MINDY4B: variants seen among roughly 807,000 people sequenced by gnomAD.
MINDY4B encodes inactive ubiquitin carboxyl-terminal hydrolase MINDY-4B.
In MINDY4B, 25 loss-of-function variants were observed where a neutral mutation model predicts 16.7. The ratio of observed to expected loss-of-function variants is 1.49; its 90% CI spans 1.09 to 2.09. MINDY4B has a LOEUF of 2.09. MINDY4B is among the 30% of genes most tolerant of loss of function. The pLI, the probability that MINDY4B is intolerant of heterozygous loss-of-function variation, is 0.00. For missense variants in MINDY4B, 327 were observed against 168.4 expected, an observed-to-expected ratio of 1.94 and a Z score of -5.21; for synonymous variants, 132 against 61.9, an observed-to-expected ratio of 2.13 and a Z score of -5.32.
rs979136756 is a variant in MINDY4B, at chr3:150,883,763, C to T, written c.834G>A (p.Met278Ile). The T allele has an allele frequency of 1.3e-5, 9 of 702,574 alleles. No individual in the cohort carries two copies. The highest frequency in any genetic ancestry group is 2.1e-5 in the Non-Finnish European group (8 of 384,818). The allele number at this position is 702,574 out of a possible 1,614,324, so 43.5% of individuals were successfully genotyped here. Residue 278 changes from methionine to isoleucine, a missense_variant, in exon 9 of 12, where the codon ATG becomes ATA. Physicochemically the swap from Met to Ile is conservative, Grantham distance 10. Transcript: ENST00000465419. ...IFSRTFERLQ[M>I]DLDVTTTQLL... is the part of the protein sequence containing the mutation. ...GCTGAGTGGTGGTGACATCTAGGTCCATTTGAAGCCTGCAGAGTGGGAGAA... is the reference window on the plus strand; with the variant it reads ...GCTGAGTGGTGGTGACATCTAGGTCTATTTGAAGCCTGCAGAGTGGGAGAA...
At chr3:150,884,526 C>A (rs115267013) in intron 8 of MINDY4B, among the ~76,000 whole-genome samples, 3,315 of 152,170 alleles carry the variant, frequency 0.022, 131 homozygotes, top group African/African-American at 0.077. Context: ...TATTTTAATA[C>A]GTTTATCTTT....
At chr3:150,871,334 G>A in intron 11 of MINDY4B, 147 bp from the exon 12 acceptor site, 1 of 610,686 alleles carries the variant, frequency 1.6e-6, no homozygotes, top group South Asian at 2.0e-5. Context: ...GGGGATTCAA[G>A]CAGGTAGTGT....
chr3:150,898,112 G>T (rs1712024217), intron 3 of MINDY4B, among the ~76,000 whole-genome samples: 2 of 152,212 alleles, frequency 1.3e-5, no homozygotes, highest in African/African-American at 4.8e-5. Context: ...TGAAAGAGAA[G>T]CATGGCAAAG....
intron 10 of MINDY4B, among the ~76,000 whole-genome samples, chr3:150,880,615 G>C (rs1013613838): frequency 6.6e-6 from 1 of 152,206 alleles, no homozygotes; most frequent in Non-Finnish European, 1.5e-5. Flanking sequence ...AAAAGCTTCT[G>C]AATTACCTAC....
At chr3:150,889,519 G>T (rs1392833609) in intron 7 of MINDY4B, among the ~76,000 whole-genome samples, 1 of 152,144 alleles carries the variant, frequency 6.6e-6, no homozygotes, top group African/African-American at 2.4e-5. Context: ...ATATCCCTTT[G>T]CCATATAGTG....
At chr3:150,899,461 G>A (rs1352650789) in intron 3 of MINDY4B, among the ~76,000 whole-genome samples, 1 of 152,188 alleles carries the variant, frequency 6.6e-6, no homozygotes, top group African/African-American at 2.4e-5. Flanking sequence ...TAGACCTGAA[G>A]GAGCACACAA....
chr3:150,877,421 A>G (rs1010273535), intron 10 of MINDY4B, among the ~76,000 whole-genome samples: 2 of 152,140 alleles, frequency 1.3e-5, no homozygotes, highest in African/African-American at 4.8e-5. Flanking sequence ...GGGGTCTCCA[A>G]TCCGGTCATA....
At chr3:150,885,615 G>C (rs1559966077) in intron 7 of MINDY4B, among the ~76,000 whole-genome samples, 177 bp from the exon 8 acceptor site, 1 of 152,100 alleles carries the variant, frequency 6.6e-6, no homozygotes, top group Non-Finnish European at 1.5e-5. Flanking sequence ...CTCTTTCCCT[G>C]CTTCATGCCT....
intron 4 of MINDY4B, 32 bp downstream of exon 4, chr3:150,894,154 A>C: frequency 3.0e-6 from 2 of 669,274 alleles, no homozygotes; most frequent in Non-Finnish European, 5.4e-6. Flanking sequence ...CATGGGAATA[A>C]GGTTTTTTAA....
Position 150,893,408 on chromosome 3 carries a change from G to A in MINDY4B, c.437C>T (p.Ala146Val), listed in dbSNP as rs908738248. ...TTGCACAGCCATCTGAATGCTTCGG[G>A]CCCCTCCCTGAAATGAGGAGAATGA... ...AFTLEVGKGG[A>V]RSIQMAVQGS... Residue 146 changes from alanine (A) to valine (V), a missense_variant, in exon 5 of 12, where the codon GCC becomes GTC. Coordinates refer to ENST00000465419, the MANE Select transcript of MINDY4B (RefSeq NM_001351281.2). 2.8e-6 allele frequency: 2 copies of A among 702,754 alleles called. No homozygotes were observed. The highest frequency in any genetic ancestry group is 2.3e-4 in the Middle Eastern group (1 of 4,364). 43.5% of individuals were successfully genotyped at this position (702,754 alleles called of 1,614,324 possible).
chr3:150,890,414 GA>G, intron 6 of MINDY4B, 29 bp from the exon 7 acceptor site: 1 of 596,894 alleles, frequency 1.7e-6, no homozygotes, highest in South Asian at 2.0e-5. Flanking sequence ...AGATAAAAAT[GA>G]AAAGGAAGAT....
At chr3:150,895,836 A>T (rs2107908261) in intron 3 of MINDY4B, among the ~76,000 whole-genome samples, 1 of 152,226 alleles carries the variant, frequency 6.6e-6, no homozygotes, top group East Asian at 1.9e-4. Flanking sequence ...TTCCTAGGTG[A>T]TGATTTTTTT....
chr3:150,880,942 C>T (rs1430749524), intron 10 of MINDY4B, among the ~76,000 whole-genome samples: 1 of 152,292 alleles, frequency 6.6e-6, no homozygotes, highest in Middle Eastern at 3.4e-3. Context: ...TAGTTTTACT[C>T]TTCATTATAT....
intron 3 of MINDY4B, among the ~76,000 whole-genome samples, chr3:150,897,321 CTG>C (rs3062408): frequency 0.52 from 67,678 of 130,144 alleles, 17,479 homozygotes; most frequent in Non-Finnish European, 0.58. Context: ...GTGACTGGAA[CTG>C]TGTGTGTGTG....
chr3:150,893,162 TC>T (rs1196339989), intron 5 of MINDY4B, among the ~76,000 whole-genome samples, 161 bp downstream of exon 5: 1 of 152,128 alleles, frequency 6.6e-6, no homozygotes, highest in African/African-American at 2.4e-5. Context: ...GCAGAGCCCT[TC>T]CCAGTGGCAG....
chr3:150,903,403 T>C lies in MINDY4B; in HGVS notation c.155A>G (p.Asn52Ser), dbSNP rs1353377196. 2.5e-6 allele frequency: 1 copy of C among 398,408 alleles called. No individual in the cohort carries two copies. Among genetic ancestry groups the C allele is most frequent in the Non-Finnish European group, 4.4e-6 (1 of 226,016 alleles). The allele number at this position is 398,408 out of a possible 1,614,324, so 24.7% of individuals were successfully genotyped here. ...NNSTPQNHEG[N>S]HTSADENEDG... is the part of the protein sequence containing the mutation. ...TTCATTTTCATCAGCAGATGTATGG[T>C]TGCCTTCATGATTCTGTGCAAATAT... The change falls in exon 3 of 12, where the codon AAC becomes AGC. Residue 52 changes from asparagine to serine, a missense_variant. Asn to Ser is a conservative substitution (Grantham distance 46, BLOSUM62 1). Coordinates refer to ENST00000465419, the MANE Select transcript of MINDY4B (RefSeq NM_001351281.2).
intron 3 of MINDY4B, among the ~76,000 whole-genome samples, chr3:150,897,321 CTGTGTG>C (rs3062408): frequency 0.048 from 6,260 of 130,482 alleles, 165 homozygotes; most frequent in East Asian, 0.15. Context: ...GTGACTGGAA[CTGTGTG>C]TGTGTGTGTG....
intron 3 of MINDY4B, among the ~76,000 whole-genome samples, chr3:150,901,752 C>G (rs548571996): frequency 1.3e-5 from 2 of 152,088 alleles, no homozygotes; most frequent in South Asian, 4.2e-4. Context: ...AACTCCTGGC[C>G]TGAAGCAATC....
intron 2 of MINDY4B, among the ~76,000 whole-genome samples, chr3:150,904,009 C>G (rs979928947): frequency 6.6e-6 from 1 of 152,304 alleles, no homozygotes; most frequent in Non-Finnish European, 1.5e-5. Context: ...AGCTTATATA[C>G]TAATGTTGTG....
Sources: allele counts gnomAD v4.1 joint callset (sites outside exome capture counted in the v4.1 genomes callset), GRCh38; gene constraint gnomAD v4.1.1; transcripts MANE v1.5; gene names NCBI Gene and HGNC (gene_info 2026-07-23, HGNC 2026-07-21).